The following CHRM2 variants were observed in gnomAD, a reference collection of about 807,000 sequenced individuals.
The protein encoded by CHRM2 is cholinergic receptor muscarinic 2.
Under a neutral mutation model 25.0 loss-of-function variants are expected in CHRM2, and 8 were observed. The ratio of observed to expected loss-of-function variants is 0.32; its 90% confidence interval spans 0.19 to 0.58. The LOEUF (loss-of-function observed/expected upper bound fraction) is 0.58. CHRM2 is among the 20% of genes least tolerant of loss of function. CHRM2 has a pLI of 0.88. For missense variants in CHRM2, 440 were observed against 567.1 expected (o/e 0.78, Z 2.28); for synonymous variants, 202 against 205.7 (o/e 0.98, Z 0.15).
chr7:136,889,868 T>C (rs558003686), intron 2 of CHRM2, among the ~76,000 whole-genome samples: 2 of 152,328 alleles, frequency 1.3e-5, no homozygotes, highest in African/African-American at 4.8e-5. Context: ...TTCGTTAGAC[T>C]TAGTTATTCC....
chr7:136,994,516 C>CTTTTTTTT (rs1803447342), intron 3 of CHRM2, among the ~76,000 whole-genome samples: 2 of 84,228 alleles, frequency 2.4e-5, no homozygotes, highest in African/African-American at 4.9e-5. Context: ...CTCTTTTTTT[C>CTTTTTTTT]TTTTCTTTTT....
At chr7:136,942,853 C>A (rs1424701592) in intron 2 of CHRM2, among the ~76,000 whole-genome samples, 1 of 151,810 alleles carries the variant, frequency 6.6e-6, no homozygotes, top group African/African-American at 2.4e-5. Context: ...TAGTTCTTTT[C>A]TTCTCTCTTT....
intron 3 of CHRM2, among the ~76,000 whole-genome samples, chr7:136,994,521 CTTTTTTTTTTTT>C (rs757243972): frequency 4.5e-4 from 32 of 71,418 alleles, no homozygotes; most frequent in African/African-American, 1.4e-3. Context: ...TTTTTCTTTT[CTTTTTTTTTTTT>C]TTTTTTTTTT....
chr7:137,006,678 C>T (rs965313941), intron 3 of CHRM2, among the ~76,000 whole-genome samples: 1 of 151,862 alleles, frequency 6.6e-6, no homozygotes, highest in Non-Finnish European at 1.5e-5. Context: ...CACAAAAGTG[C>T]AACTCACATC....
chr7:137,000,547 A>AAAAG (rs1554434051), intron 3 of CHRM2, among the ~76,000 whole-genome samples: 2 of 95,174 alleles, frequency 2.1e-5, no homozygotes, highest in Admixed American at 1.2e-4. Flanking sequence ...AAAGAAAGAA[A>AAAAG]GAAGGAAGGA....
intron 2 of CHRM2, chr7:136,903,469 C>T (rs1022426478): frequency 4.9e-6 from 1 of 204,026 alleles, no homozygotes; most frequent in Non-Finnish European, 1.0e-5. Context: ...ATGTAAACTA[C>T]TAGGATGAAA....
intron 2 of CHRM2, among the ~76,000 whole-genome samples, chr7:136,944,532 T>C (rs1159035405): frequency 6.6e-6 from 1 of 152,072 alleles, no homozygotes; most frequent in Admixed American, 6.6e-5. Context: ...TGTGTGTACA[T>C]ATATACATAT....
intron 2 of CHRM2, among the ~76,000 whole-genome samples, chr7:136,911,528 T>A (rs1797841297): frequency 6.6e-6 from 1 of 151,946 alleles, no homozygotes; most frequent in African/African-American, 2.4e-5. Context: ...CTCGGCTGAC[T>A]AATGTATTTG....
intron 2 of CHRM2, among the ~76,000 whole-genome samples, chr7:136,930,626 G>A (rs1366680341): frequency 6.6e-5 from 10 of 151,838 alleles, no homozygotes; most frequent in Admixed American, 5.9e-4. Flanking sequence ...TGCCAGGCGC[G>A]GTGGCTCATG....
intron 3 of CHRM2, among the ~76,000 whole-genome samples, chr7:137,006,899 G>A (rs1804471126): frequency 6.6e-6 from 1 of 152,056 alleles, no homozygotes; most frequent in South Asian, 2.1e-4. Flanking sequence ...ACTCAGTGTA[G>A]GTGAGGACAT....
intron 2 of CHRM2, among the ~76,000 whole-genome samples, chr7:136,935,782 G>A (rs1799378756): frequency 6.6e-6 from 1 of 152,118 alleles, no homozygotes; most frequent in Non-Finnish European, 1.5e-5. Context: ...GAGAATATGA[G>A]AGACTTGTCT....
intron 2 of CHRM2, among the ~76,000 whole-genome samples, chr7:136,933,174 T>G (rs1301514714): frequency 6.6e-6 from 1 of 152,196 alleles, no homozygotes; most frequent in Non-Finnish European, 1.5e-5. Flanking sequence ...TCATATATCT[T>G]TCAAGGAAGC....
rs184337745 is a variant in CHRM2, at chr7:136,919,063, A to G, written c.-125+49645A>G. The stretch of plus-strand genomic sequence containing the variant: ...GCAACGTGGCAGAAAAGAATCGGCC[A>G]TTTTTCTCTATATTATCCTGAATAG... On this transcript the variant is annotated intron_variant, in intron 2 of 3. Transcript: ENST00000680005. Among the ~76,000 whole-genome samples, 268 of 152,168 alleles carry G rather than the reference A, an allele frequency of 1.8e-3. 2 individuals carry two copies. Among genetic ancestry groups the G allele is most frequent in the African/African-American group, 5.5e-3 (227 of 41,538 alleles).
At chr7:136,936,441 T>C (rs1000617032) in intron 2 of CHRM2, among the ~76,000 whole-genome samples, 2 of 152,152 alleles carry the variant, frequency 1.3e-5, no homozygotes. Context: ...GTAGAATAGA[T>C]GACTAATAGA....
chr7:137,004,277 G>GA (rs1421002296), intron 3 of CHRM2, among the ~76,000 whole-genome samples: 2 of 152,226 alleles, frequency 1.3e-5, no homozygotes, highest in South Asian at 4.2e-4. Flanking sequence ...GATGGGGGCA[G>GA]AAAAAATGTA....
In CHRM2 at chr7:136,988,507, T is replaced by C. The variant is rs192217911; in HGVS notation, c.-124-3680T>C. On this transcript the variant is annotated intron_variant, in intron 2 of 3. Transcript: ENST00000680005. ...TAACAATTTTATAGATTTTTTTCATTGTAGAGAGAAGGTGACTGAGGCTTA... is the reference window on the plus strand; with the variant it reads ...TAACAATTTTATAGATTTTTTTCATCGTAGAGAGAAGGTGACTGAGGCTTA... 2.7e-3 allele frequency among the ~76,000 whole-genome samples: 406 copies of C among 152,306 alleles called. 1 individual carries two copies. The highest frequency in any genetic ancestry group is 4.2e-3 in the Non-Finnish European group (286 of 68,018).
chr7:136,897,267 A>T (rs1307350026), intron 2 of CHRM2, among the ~76,000 whole-genome samples: 1 of 152,088 alleles, frequency 6.6e-6, no homozygotes, highest in East Asian at 1.9e-4. Context: ...AAGCCAATGC[A>T]TATCTAAGAG....
intron 2 of CHRM2, among the ~76,000 whole-genome samples, chr7:136,927,085 T>G (rs1798790662): frequency 6.6e-6 from 1 of 152,218 alleles, no homozygotes; most frequent in East Asian, 1.9e-4. Flanking sequence ...TTTTTACTCT[T>G]TTCAGGAATA....
chr7:137,013,048 AACT>A (rs966774042), intron 3 of CHRM2, among the ~76,000 whole-genome samples: 10 of 151,936 alleles, frequency 6.6e-5, no homozygotes, highest in South Asian at 2.1e-4. Flanking sequence ...TCTTTGATTG[AACT>A]ACTACATCAA....
Sources: gnomAD v4.1 joint callset for allele counts (sites outside exome capture counted in the v4.1 genomes callset) on GRCh38, gnomAD v4.1.1 for gene constraint, MANE v1.5 for transcripts, NCBI Gene and HGNC (gene_info 2026-07-23, HGNC 2026-07-21) for gene names.